Variants in PLEKHD1 observed in about 807,000 individuals in gnomAD.
The protein encoded by PLEKHD1 is pleckstrin homology and coiled-coil domain containing D1.
In PLEKHD1, 51 loss-of-function variants were observed where a neutral mutation model predicts 69.2. The ratio of observed to expected loss-of-function variants is 0.74; its 90% CI spans 0.59 to 0.93. The LOEUF (loss-of-function observed/expected upper bound fraction) is 0.93, where lower values mean the gene tolerates loss of function less well. Ranked by LOEUF, PLEKHD1 falls within the 40% of genes least tolerant of loss-of-function variation. The probability of loss-of-function intolerance (pLI) is 0.00; values close to 1 mark genes in which losing one functional copy is unlikely to be tolerated. For missense variants in PLEKHD1, 584 were observed against 641.0 expected, an observed-to-expected ratio of 0.91 and a Z score of 0.96; for synonymous variants, 236 against 244.7, an observed-to-expected ratio of 0.96 and a Z score of 0.33.
chr14:69,523,923 G>T (rs1883578700), intron 7 of PLEKHD1, among the ~76,000 whole-genome samples: 1 of 152,206 alleles, frequency 6.6e-6, no homozygotes, highest in Non-Finnish European at 1.5e-5. Flanking sequence ...AGAAGACAGG[G>T]TGAGGCTGGG....
chr14:69,487,573 G>A (rs12050199), intron 1 of PLEKHD1, among the ~76,000 whole-genome samples: 1 of 152,330 alleles, frequency 6.6e-6, no homozygotes, highest in African/African-American at 2.4e-5. Context: ...TTCCACTCAG[G>A]GTCTGTCTTA....
chr14:69,493,272 G>T (rs1057016609), intron 1 of PLEKHD1, among the ~76,000 whole-genome samples: 9 of 152,218 alleles, frequency 5.9e-5, no homozygotes, highest in African/African-American at 1.9e-4. Context: ...GCTCTAGGAA[G>T]AGAAACAATT....
intron 7 of PLEKHD1, among the ~76,000 whole-genome samples, chr14:69,524,012 C>G (rs4902727): frequency 0.68 from 103,160 of 152,054 alleles, 36,819 homozygotes; most frequent in Admixed American, 0.8. Flanking sequence ...GCATGTGTAC[C>G]TGGAGCAAGT....
At chr14:69,472,723 A>T in the PLEKHD1 span, among the ~76,000 whole-genome samples, 1 of 152,194 alleles carries the variant, frequency 6.6e-6, no homozygotes, top group East Asian at 1.9e-4. Flanking sequence ...AGGCTGTACC[A>T]TACAGCCTAG....
chr14:69,499,989 G>T (rs759130965), intron 1 of PLEKHD1, 126 bp from the exon 2 acceptor site: 2 of 661,554 alleles, frequency 3.0e-6, no homozygotes, highest in Non-Finnish European at 5.3e-6. Flanking sequence ...AGTTGGTAAG[G>T]ATGGCTGAGC....
At chr14:69,503,138 A>G (rs2139508439) in intron 6 of PLEKHD1, 1 of 498,452 alleles carries the variant, frequency 2.0e-6, no homozygotes, top group East Asian at 3.7e-5. Flanking sequence ...AGAGCCATCC[A>G]AAGTGTCATC....
chr14:69,480,325 G>T (rs1313689275), upstream of PLEKHD1, among the ~76,000 whole-genome samples: 1 of 152,242 alleles, frequency 6.6e-6, no homozygotes, highest in Non-Finnish European at 1.5e-5. Flanking sequence ...GCCCCTCAGG[G>T]ATACTTGGGC....
the PLEKHD1 span, among the ~76,000 whole-genome samples, chr14:69,478,659 T>TAAC: frequency 6.6e-6 from 1 of 152,220 alleles, no homozygotes; most frequent in African/African-American, 2.4e-5. Context: ...TATTAAAATA[T>TAAC]AACAAGAGTC....
chr14:69,504,025 C>T (rs910491186), intron 6 of PLEKHD1, among the ~76,000 whole-genome samples: 1 of 152,144 alleles, frequency 6.6e-6, no homozygotes, highest in African/African-American at 2.4e-5. Context: ...ATACTTCTAG[C>T]TTTGTGACCT....
rs1406693302 is a variant in PLEKHD1 at position 69,527,992 on chromosome 14, T to TG, written c.1351+64dup. 2.6e-6 allele frequency: 4 copies of TG among 1,547,260 alleles called. No homozygotes were observed. In the Admixed American group the frequency reaches 7.9e-5, roughly 30 times the overall value. ...GTGACAAGGCAGGAAGAGGGCAACA[T>TG]GGGGAGCCAGAAGGGTTGGCCCAGC... is the stretch of plus-strand genomic sequence containing the variant. On this transcript the variant is annotated intron_variant, in intron 12 of 12. Transcript: ENST00000322564.
chr14:69,469,983 A>G, the PLEKHD1 span, among the ~76,000 whole-genome samples: 1 of 151,604 alleles, frequency 6.6e-6, no homozygotes, highest in African/African-American at 2.4e-5. Flanking sequence ...AGGCCTCCCA[A>G]AGTGCTGGGA....
At chr14:69,523,191 C>T (rs1342631282) in intron 7 of PLEKHD1, among the ~76,000 whole-genome samples, 2 of 152,192 alleles carry the variant, frequency 1.3e-5, no homozygotes, top group African/African-American at 4.8e-5. Context: ...CTTGGCCTCC[C>T]AAAGTGTTGG....
intron 2 of PLEKHD1, 119 bp downstream of exon 2, chr14:69,500,327 C>G: frequency 1.1e-6 from 1 of 916,184 alleles, no homozygotes; most frequent in Non-Finnish European, 1.6e-6. Flanking sequence ...GTCTGGAGAG[C>G]AAATCCTCTT....
At chr14:69,509,325 A>G (rs888263769) in intron 6 of PLEKHD1, among the ~76,000 whole-genome samples, 8 of 152,156 alleles carry the variant, frequency 5.3e-5, no homozygotes, top group Non-Finnish European at 1.2e-4. Context: ...TATTCTCTTG[A>G]TGTCATTCAC....
At chr14:69,513,976 A>G (rs928060866) in intron 6 of PLEKHD1, among the ~76,000 whole-genome samples, 2 of 152,102 alleles carry the variant, frequency 1.3e-5, no homozygotes, top group Non-Finnish European at 2.9e-5. Flanking sequence ...TCTTTCTTCA[A>G]TAGGTAATTT....
intron 1 of PLEKHD1, among the ~76,000 whole-genome samples, chr14:69,494,806 T>C (rs978558531): frequency 1.3e-5 from 2 of 152,228 alleles, no homozygotes; most frequent in Non-Finnish European, 2.9e-5. Flanking sequence ...TCTGAGCCCC[T>C]GCCTGTTGAG....
chr14:69,470,177 A>T, the PLEKHD1 span, among the ~76,000 whole-genome samples: 1 of 152,018 alleles, frequency 6.6e-6, no homozygotes, highest in Non-Finnish European at 1.5e-5. Context: ...AGAAACTAGT[A>T]AATGGCCGGG....
At chr14:69,499,145 G>C (rs992694870) in intron 1 of PLEKHD1, among the ~76,000 whole-genome samples, 1 of 152,118 alleles carries the variant, frequency 6.6e-6, no homozygotes, top group Non-Finnish European at 1.5e-5. Flanking sequence ...GCAGGGAAGA[G>C]ATTGACATTG....
intron 6 of PLEKHD1, among the ~76,000 whole-genome samples, chr14:69,518,772 G>T (rs760561192): frequency 1.2e-4 from 18 of 152,128 alleles, no homozygotes; most frequent in Non-Finnish European, 7.4e-5. Context: ...GCCTCAAGGG[G>T]GATAAGCCGG....
Sources: allele counts gnomAD v4.1 joint callset (sites outside exome capture counted in the v4.1 genomes callset), GRCh38; gene constraint gnomAD v4.1.1; transcripts MANE v1.5; gene names NCBI Gene and HGNC (gene_info 2026-07-23, HGNC 2026-07-21).